Variants in TELO2 observed in about 807,000 individuals in gnomAD.
TELO2 encodes the protein telomere maintenance 2.
A neutral mutation model predicts 91.0 loss-of-function variants in TELO2; 71 were observed. The ratio of observed to expected loss-of-function variants is 0.78; its 90% CI spans 0.64 to 0.95. The LOEUF is 0.95. Ranked by LOEUF, TELO2 falls within the 40% of genes least tolerant of loss-of-function variation. TELO2 has a pLI of 0.00. For synonymous variants in TELO2, 584 were observed against 518.9 expected (o/e 1.13, Z -1.71); for missense variants, 1,183 against 1,141.3 (o/e 1.04, Z -0.53).
intron 20 of TELO2, among the ~76,000 whole-genome samples, chr16:1,508,696 C>T (rs939052502): frequency 1.3e-5 from 2 of 152,198 alleles, no homozygotes; most frequent in East Asian, 1.9e-4. Context: ...CCCACCTGGG[C>T]GCAGTGCCAG....
intron 5 of TELO2, among the ~76,000 whole-genome samples, chr16:1,498,683 C>G (rs1284368029): frequency 6.6e-6 from 1 of 151,796 alleles, no homozygotes; most frequent in Non-Finnish European, 1.5e-5. Context: ...GATCCTCCTG[C>G]CTTGGCCTCC....
chr16:1,509,959 C>A lies in TELO2; in HGVS notation c.*23C>A, dbSNP rs765466964. 6.4e-7 allele frequency: 1 copy of A among 1,562,286 alleles called. No individual in the cohort carries two copies. The highest frequency in any genetic ancestry group is 8.7e-7 in the Non-Finnish European group (1 of 1,152,564). ...TAGTCCCTGGAGGCCTCCCCAGGAC[C>A]ACCCTCGCCGACAGCAAGGCAGGCG... On this transcript the variant is annotated 3_prime_UTR_variant, in exon 21 of 21. Transcript: ENST00000262319.
In TELO2 at chr16:1,494,740, C is replaced by A; in HGVS notation, c.335+124C>A. Reference sequence around the variant, plus strand: ...GGCTAGAGAGAGAGCCTGCTCCTGGCTGAACCCCTGAACAGAAGAAGCGGT... The same window carrying A: ...GGCTAGAGAGAGAGCCTGCTCCTGGATGAACCCCTGAACAGAAGAAGCGGT... On this transcript the variant is annotated intron_variant, in intron 2 of 20. Coordinates refer to ENST00000262319, the MANE Select transcript of TELO2 (RefSeq NM_016111.4). The surrounding 1 kb of genome is among the most constrained non-coding windows in gnomAD (Gnocchi z 5.6). The A allele has an allele frequency of 9.6e-7, 1 of 1,036,552 alleles. No individual in the cohort carries two copies. Among genetic ancestry groups the A allele is most frequent in the Non-Finnish European group, 1.4e-6 (1 of 733,458 alleles). 64.2% of individuals were successfully genotyped at this position (1,036,552 alleles called of 1,614,324 possible). A position where few individuals can be genotyped will look rare whatever the true frequency, so the allele number is the denominator to read the frequency against.
In TELO2 at chr16:1,505,679, G is replaced by A. The variant is rs1199380218; in HGVS notation, c.2034+78G>A. ...GAAGGGCGGTCAGACACCTCCAGGC[G>A]CTGTCTGCAGCGAGGGGCGGCCACA... On this transcript the variant is annotated intron_variant, in intron 16 of 20. Coordinates refer to ENST00000262319, the MANE Select transcript of TELO2 (RefSeq NM_016111.4). This position sits in a 1 kb window ranked among gnomAD's most constrained non-coding sequence, Gnocchi z 4.3. The A allele has an allele frequency of 1.5e-5, 22 of 1,483,596 alleles. No individual in the cohort carries two copies. Among genetic ancestry groups the A allele is most frequent in the African/African-American group, 7.0e-5 (5 of 71,654 alleles). The allele number at this position is 1,483,596 out of a possible 1,614,324, so 91.9% of individuals were successfully genotyped here.
chr16:1,495,436 G>T lies in TELO2; in HGVS notation c.426G>T (p.Arg142=), dbSNP rs1309454397. 6.2e-7 allele frequency: 1 copy of T among 1,600,962 alleles called. No homozygotes were observed. The highest frequency in any genetic ancestry group is 8.5e-7 in the Non-Finnish European group (1 of 1,175,248). Residue 142 remains arginine, a synonymous_variant, in exon 3 of 21, where the codon CGG becomes CGT. Transcript: ENST00000262319. The stretch of plus-strand genomic sequence containing the variant: ...CAGTGCTGATGGAGGCGCAGTGTCG[G>T]CAGCAGACGCAGCCCGGCTTCATCC... ...RLAVLMEAQC[R]QQTQPGFILL...
Position 1,506,368 on chromosome 16 carries a change from A to G in TELO2, c.2126+39A>G, listed in dbSNP as rs190949225. On this transcript the variant is annotated intron_variant, in intron 17 of 20. Coordinates refer to ENST00000262319, the MANE Select transcript of TELO2 (RefSeq NM_016111.4). ...CCGTGGGCCTGTGGACTTGGGGGAC[A>G]GGGACCCTGGACGTACCACTGTGGC... The G allele has an allele frequency of 2.4e-4, 391 of 1,613,568 alleles. 3 individuals carry two copies. In the African/African-American group the frequency reaches 4.8e-3, roughly 20 times the overall value.
chr16:1,501,834 C>T (rs904039579), intron 11 of TELO2, 61 bp downstream of exon 11: 1 of 1,547,850 alleles, frequency 6.5e-7, no homozygotes, highest in Non-Finnish European at 8.8e-7. Context: ...ACCCCTCACA[C>T]TCCAAGCTGC....
chr16:1,502,530 G>C lies in TELO2; in HGVS notation c.1654-115G>C. 5.3e-6 allele frequency: 8 copies of C among 1,499,702 alleles called. No individual in the cohort carries two copies. The South Asian group carries it at 9.9e-5, about 18-fold the overall frequency. 92.9% of individuals were successfully genotyped at this position (1,499,702 alleles called of 1,614,324 possible). A position where few individuals can be genotyped will look rare whatever the true frequency, so the allele number is the denominator to read the frequency against. On this transcript the variant is annotated intron_variant, in intron 13 of 20. Transcript: ENST00000262319. The stretch of plus-strand genomic sequence containing the variant: ...GACAGGGCTGCTGCCTCTCCCGGGG[G>C]GCCTGCGGCCTGGGGCCTCTGCTGG...
intron 17 of TELO2, chr16:1,506,699 C>A (rs1327196752): frequency 1.4e-6 from 2 of 1,384,304 alleles, no homozygotes; most frequent in East Asian, 2.8e-5. Context: ...AAGTGTGGGG[C>A]CTGGGTTGTG....
chr16:1,499,216 G>GACTC lies in TELO2; in HGVS notation c.831-14_831-11dup, dbSNP rs1380580454. 3.7e-6 allele frequency: 6 copies of GACTC among 1,613,728 alleles called. No individual in the cohort carries two copies. In the East Asian group the frequency reaches 1.3e-4, roughly 36 times the overall value. ...AGGCCGGCTTGCAGCTCTGGCCCCTGACTCTGTCTTGCAGGCCTGAGGTCC... is the reference window on the plus strand; with the variant it reads ...AGGCCGGCTTGCAGCTCTGGCCCCTGACTCACTCTGTCTTGCAGGCCTGAGGTCC... On this transcript the variant is annotated splice_polypyrimidine_tract_variant and intron_variant, in intron 5 of 20. Coordinates refer to ENST00000262319, the MANE Select transcript of TELO2 (RefSeq NM_016111.4).
Position 1,497,021 on chromosome 16 carries a change from C to T in TELO2, c.614-15C>T, listed in dbSNP as rs534999783. ...TCCCGCCGGCTTCCTCATCAGGCCT[C>T]CCTTTCTGTCCCAGGTGGCCTGGAT... On this transcript the variant is annotated splice_polypyrimidine_tract_variant and intron_variant, in intron 3 of 20. Coordinates refer to ENST00000262319, the MANE Select transcript of TELO2 (RefSeq NM_016111.4). The surrounding 1 kb of genome is among the most constrained non-coding windows in gnomAD (Gnocchi z 4.0). The T allele has an allele frequency of 6.2e-7, 1 of 1,613,606 alleles. No individual in the cohort carries two copies.
chr16:1,500,718 C>T lies in TELO2; in HGVS notation c.1281+19C>T, dbSNP rs1248502972. ...ATTCCAGGTGAGCGGGCCGTCCCCT[C>T]CGCGTCCCCGTGTGGCTGGCCCGGG... is the stretch of plus-strand genomic sequence containing the variant. On this transcript the variant is annotated intron_variant, in intron 9 of 20. Coordinates refer to ENST00000262319, the MANE Select transcript of TELO2 (RefSeq NM_016111.4). The T allele has an allele frequency of 1.2e-6, 2 of 1,610,744 alleles. No homozygotes were observed. Among genetic ancestry groups the T allele is most frequent in the Admixed American group, 3.3e-5 (2 of 59,924 alleles).
intron 20 of TELO2, among the ~76,000 whole-genome samples, chr16:1,508,401 G>A (rs1352325756): frequency 6.6e-6 from 1 of 152,230 alleles, no homozygotes; most frequent in East Asian, 1.9e-4. Flanking sequence ...AAAGTGCTGG[G>A]ATTACAGGCG....
In TELO2 at chr16:1,502,410, TG is replaced by T; in HGVS notation, c.1653+12del. The T allele has an allele frequency of 6.3e-7, 1 of 1,579,598 alleles. No individual in the cohort carries two copies. The highest frequency in any genetic ancestry group is 8.6e-7 in the Non-Finnish European group (1 of 1,163,872). On this transcript the variant is annotated splice_region_variant and intron_variant, in intron 13 of 20. Coordinates refer to ENST00000262319, the MANE Select transcript of TELO2 (RefSeq NM_016111.4). Reference sequence around the variant, plus strand: ...GCCCCACAGCCACTCGGGAGGTGAGTGGGGGGCGGGAGTGGGTGGGGAGGCC... The same window carrying T: ...GCCCCACAGCCACTCGGGAGGTGAGTGGGGGCGGGAGTGGGTGGGGAGGCC...
rs1181947637 is a variant in TELO2 at position 1,500,474 on chromosome 16, G to A, written c.1130G>A (p.Arg377Gln). 3.0e-5 allele frequency: 48 copies of A among 1,610,646 alleles called. No homozygotes were observed. The highest frequency in any genetic ancestry group is 3.7e-5 in the Non-Finnish European group (44 of 1,179,244). Reference sequence around the variant, plus strand: ...GCGCAACTCGGGGAGCCGGAACTGCGGGACAGCCGGGATGGTGAGCGGGTG... The same window carrying A: ...GCGCAACTCGGGGAGCCGGAACTGCAGGACAGCCGGGATGGTGAGCGGGTG... ...CLAQLGEPELRDSRDELLASM... is the reference protein window; with the variant it reads ...CLAQLGEPELQDSRDELLASM... Residue 377 changes from arginine (R) to glutamine (Q), a missense_variant, in exon 8 of 21, where the codon CGG (arginine) becomes CAG (glutamine). Physicochemically the swap from Arg to Gln is conservative, Grantham distance 43 (BLOSUM62 1). Coordinates refer to ENST00000262319, the MANE Select transcript of TELO2 (RefSeq NM_016111.4).
At chr16:1,495,317 G>A (rs904685061) in intron 2 of TELO2, 29 bp from the exon 3 acceptor site, 6 of 1,511,394 alleles carry the variant, frequency 4.0e-6, no homozygotes, top group Admixed American at 2.0e-5. Context: ...GGGGGTTGGC[G>A]GCTCTGCCCA....
chr16:1,504,374 T>C (rs1364739664), intron 15 of TELO2, among the ~76,000 whole-genome samples: 4 of 116,694 alleles, frequency 3.4e-5, no homozygotes, highest in Admixed American at 1.2e-4. Flanking sequence ...GCGGAGGTTG[T>C]GGTGAGTCAA....
At chr16:1,496,343 C>T (rs978734347) in intron 3 of TELO2, among the ~76,000 whole-genome samples, 5 of 152,188 alleles carry the variant, frequency 3.3e-5, no homozygotes, top group Non-Finnish European at 5.9e-5. Context: ...GCCTGTGTGG[C>T]CCAAGCCCCC....
At chr16:1,495,207 T>A in intron 2 of TELO2, 139 bp from the exon 3 acceptor site, 1 of 1,234,806 alleles carries the variant, frequency 8.1e-7, no homozygotes, top group Non-Finnish European at 1.1e-6. Context: ...GATTTTCCCA[T>A]CCGGCTTGTG....
Sources: allele counts gnomAD v4.1 joint callset (sites outside exome capture counted in the v4.1 genomes callset), GRCh38; gene constraint gnomAD v4.1.1; non-coding constraint Gnocchi (gnomAD v3.1); transcripts MANE v1.5; gene names NCBI Gene and HGNC (gene_info 2026-07-23, HGNC 2026-07-21).